Variants in CNTNAP2 observed in about 807,000 individuals in gnomAD.
CNTNAP2 encodes the protein contactin associated protein 2.
A neutral mutation model predicts 155.2 loss-of-function variants in CNTNAP2; 98 were observed. The observed-to-expected ratio is 0.63, with a 90% CI of 0.54 to 0.75. The LOEUF (loss-of-function observed/expected upper bound fraction) is 0.75, where lower values mean the gene tolerates loss of function less well. Among genes scored for constraint, CNTNAP2 ranks in the 30% least tolerant of loss-of-function variants. The pLI, the probability that CNTNAP2 is intolerant of heterozygous loss-of-function variation, is 0.00. For synonymous variants in CNTNAP2, 651 were observed against 631.2 expected (o/e 1.03, Z -0.47); for missense variants, 1,727 against 1,688.1 (o/e 1.02, Z -0.40).
At chr7:147,842,241 T>A (rs1798746443) in intron 13 of CNTNAP2, among the ~76,000 whole-genome samples, 1 of 152,236 alleles carries the variant, frequency 6.6e-6, no homozygotes, top group South Asian at 2.1e-4. Flanking sequence ...AACAACTGTG[T>A]GATCAGAGGA....
At chr7:148,141,666 A>G (rs1231531428) in intron 16 of CNTNAP2, among the ~76,000 whole-genome samples, 2 of 152,338 alleles carry the variant, frequency 1.3e-5, no homozygotes, top group Admixed American at 1.3e-4. Flanking sequence ...CCAGGACCAC[A>G]TATATATTAT....
intron 20 of CNTNAP2, among the ~76,000 whole-genome samples, chr7:148,242,574 G>C (rs1796178341): frequency 6.6e-6 from 1 of 152,222 alleles, no homozygotes; most frequent in African/African-American, 2.4e-5. Context: ...TTATAGCGCG[G>C]GTTACTTGCA....
At chr7:147,548,288 A>C (rs1799782454) in intron 11 of CNTNAP2, among the ~76,000 whole-genome samples, 1 of 152,122 alleles carries the variant, frequency 6.6e-6, no homozygotes, top group South Asian at 2.1e-4. Flanking sequence ...ACTTTTTAAT[A>C]ATCGCCATTC....
intron 15 of CNTNAP2, among the ~76,000 whole-genome samples, chr7:148,039,736 C>A (rs1802635447): frequency 6.6e-6 from 1 of 152,172 alleles, no homozygotes; most frequent in Admixed American, 6.5e-5. Context: ...GTTTCAGCAG[C>A]TTTTTCATGC....
chr7:147,602,655 A>G (rs1800975355), intron 12 of CNTNAP2, among the ~76,000 whole-genome samples: 1 of 150,236 alleles, frequency 6.7e-6, no homozygotes, highest in African/African-American at 2.5e-5. Flanking sequence ...CCACCCCACA[A>G]CAGGCCCCAG....
At chr7:147,428,365 T>A (rs1797414278) in intron 10 of CNTNAP2, among the ~76,000 whole-genome samples, 1 of 152,192 alleles carries the variant, frequency 6.6e-6, no homozygotes, top group African/African-American at 2.4e-5. Flanking sequence ...TGTTATTTGA[T>A]ATCTTCATTT....
intron 13 of CNTNAP2, among the ~76,000 whole-genome samples, chr7:147,782,801 C>T (rs1274089231): frequency 6.6e-6 from 1 of 152,198 alleles, no homozygotes; most frequent in Non-Finnish European, 1.5e-5. Context: ...TCTCTCTCTC[C>T]TCTGCCTTCT....
intron 15 of CNTNAP2, among the ~76,000 whole-genome samples, chr7:148,081,536 A>C (rs899611493): frequency 6.6e-6 from 1 of 151,946 alleles, no homozygotes; most frequent in African/African-American, 2.4e-5. Context: ...CTGCCCTCAA[A>C]CATTGGACCC....
intron 13 of CNTNAP2, among the ~76,000 whole-genome samples, chr7:147,681,388 A>C (rs1030195775): frequency 1.3e-5 from 2 of 152,030 alleles, no homozygotes; most frequent in African/African-American, 4.8e-5. Context: ...TTGGGGTGTA[A>C]GACCCCAAAT....
At chr7:147,077,251 C>T (rs1364451280) in intron 4 of CNTNAP2, among the ~76,000 whole-genome samples, 2 of 151,600 alleles carry the variant, frequency 1.3e-5, no homozygotes, top group Non-Finnish European at 2.9e-5. Context: ...TTCTTTTTTT[C>T]CTTATAAAAG....
At chr7:147,110,606 A>G (rs1046218002) in intron 5 of CNTNAP2, among the ~76,000 whole-genome samples, 2 of 152,074 alleles carry the variant, frequency 1.3e-5, no homozygotes, top group Non-Finnish European at 2.9e-5. Context: ...GTTCTCACTT[A>G]TAAGTGAGAA....
At chr7:146,655,381 T>C (rs1216280213) in intron 1 of CNTNAP2, among the ~76,000 whole-genome samples, 7 of 121,970 alleles carry the variant, frequency 5.7e-5, no homozygotes, top group African/African-American at 1.6e-4. Flanking sequence ...ACCACTGCAC[T>C]CCAGCCTTGG....
intron 1 of CNTNAP2, among the ~76,000 whole-genome samples, chr7:146,350,115 G>A (rs1206029108): frequency 6.6e-6 from 1 of 152,142 alleles, no homozygotes; most frequent in East Asian, 1.9e-4. Context: ...CCAATCAGAT[G>A]TAGATTTGGT....
intron 1 of CNTNAP2, among the ~76,000 whole-genome samples, chr7:146,200,903 G>A (rs558314683): frequency 1.3e-5 from 2 of 152,234 alleles, no homozygotes; most frequent in Non-Finnish European, 2.9e-5. Context: ...AACCAAAAGA[G>A]ACGTTGCAGG....
At chr7:146,654,648 A>T (rs939470905) in intron 1 of CNTNAP2, among the ~76,000 whole-genome samples, 1 of 152,222 alleles carries the variant, frequency 6.6e-6, no homozygotes, top group Admixed American at 6.5e-5. Context: ...ATTTGGTTGC[A>T]TAATTTAATG....
intron 1 of CNTNAP2, among the ~76,000 whole-genome samples, chr7:146,305,814 T>G (rs10281880): frequency 6.6e-6 from 1 of 151,720 alleles, no homozygotes; most frequent in Non-Finnish European, 1.5e-5. Context: ...AAAATTGACA[T>G]CCTAACATCA....
chr7:147,251,553 G>C (rs949253616), intron 8 of CNTNAP2, among the ~76,000 whole-genome samples: 2 of 152,178 alleles, frequency 1.3e-5, no homozygotes, highest in Admixed American at 1.3e-4. Context: ...GCACTAAAGA[G>C]AATTACCTCC....
chr7:147,444,193 G>C (rs986873007), intron 10 of CNTNAP2, among the ~76,000 whole-genome samples: 1 of 152,126 alleles, frequency 6.6e-6, no homozygotes, highest in African/African-American at 2.4e-5. Context: ...TTAGGAACAT[G>C]GTTAGGAAAA....
intron 9 of CNTNAP2, among the ~76,000 whole-genome samples, chr7:147,306,748 G>T (rs562543347): frequency 2.0e-5 from 3 of 152,282 alleles, no homozygotes; most frequent in African/African-American, 7.2e-5. Flanking sequence ...CAAGGGGAAA[G>T]AATCTGGCTT....
Sources: allele counts gnomAD v4.1 joint callset (sites outside exome capture counted in the v4.1 genomes callset), GRCh38; gene constraint gnomAD v4.1.1; transcripts MANE v1.5; gene names NCBI Gene and HGNC (gene_info 2026-07-23, HGNC 2026-07-21).